Variants in DHX37 observed in about 807,000 individuals in gnomAD.
The protein encoded by DHX37 is DEAH-box helicase 37.
Under a neutral mutation model 134.3 loss-of-function variants are expected in DHX37, and 52 were observed. The observed-to-expected ratio is 0.39, with a 90% CI of 0.31 to 0.49. DHX37 has a LOEUF of 0.49. DHX37 is among the 20% of genes least tolerant of loss of function. DHX37 has a pLI of 0.93. For synonymous variants in DHX37, 634 were observed against 670.7 expected (o/e 0.95, Z 0.85); for missense variants, 1,344 against 1,580.8 (o/e 0.85, Z 2.54).
At chr12:124,952,261 C>T in intron 21 of DHX37, 137 bp downstream of exon 21, 1 of 868,666 alleles carries the variant, frequency 1.2e-6, no homozygotes, top group South Asian at 2.2e-5. Flanking sequence ...TGTGATTCTA[C>T]TGCAAGCCCC....
intron 15 of DHX37, among the ~76,000 whole-genome samples, chr12:124,961,305 C>A (rs552489069): frequency 1.4e-5 from 2 of 146,064 alleles, no homozygotes; most frequent in African/African-American, 5.4e-5. Flanking sequence ...CGTGCACGCA[C>A]GCACACACAC....
Position 124,980,087 on chromosome 12 carries a change from C to T in DHX37, c.738+403G>A, listed in dbSNP as rs1352240910. Among the ~76,000 whole-genome samples, 2 of 152,224 alleles carry T rather than the reference C, an allele frequency of 1.3e-5. No homozygotes were observed. The highest frequency in any genetic ancestry group is 2.4e-5 in the African/African-American group (1 of 41,462). ...AGAGAGGGGGAGCCCCTTCAGTAGC[C>T]GGAATATTCCCATTTTACAGATGCG... On this transcript the variant is annotated intron_variant, in intron 4 of 26. Transcript: ENST00000308736. The surrounding 1 kb of genome is among the most constrained non-coding windows in gnomAD (Gnocchi z 5.3).
chr12:124,974,174 T>C (rs1954581442), intron 6 of DHX37, among the ~76,000 whole-genome samples: 1 of 142,670 alleles, frequency 7.0e-6, no homozygotes, highest in Non-Finnish European at 1.5e-5. Flanking sequence ...CAGGATGGTC[T>C]CGATCTCCTG....
Position 124,980,758 on chromosome 12 carries a change from G to A in DHX37, c.470C>T (p.Pro157Leu). 6.4e-7 allele frequency: 1 copy of A among 1,557,028 alleles called. No homozygotes were observed. The highest frequency in any genetic ancestry group is 8.7e-7 in the Non-Finnish European group (1 of 1,152,990). Reference sequence around the variant, plus strand: ...CTCCTCCTCCTCCTCCTCAGCTGAGGGCCAGCGGCGACGCTTCCGGTGGGC... The same window carrying A: ...CTCCTCCTCCTCCTCCTCAGCTGAGAGCCAGCGGCGACGCTTCCGGTGGGC... ...SGAHRKRRRW[P>L]SAEEEEEEEE... Residue 157 changes from proline to leucine, a missense_variant, in exon 4 of 27, where the codon CCC becomes CTC. Coordinates refer to ENST00000308736, the MANE Select transcript of DHX37 (RefSeq NM_032656.4). This position sits in a 1 kb window ranked among gnomAD's most constrained non-coding sequence, Gnocchi z 5.3.
Position 124,968,707 on chromosome 12 carries a change from T to G in DHX37, c.1294-59A>C. On this transcript the variant is annotated intron_variant, in intron 9 of 26. Coordinates refer to ENST00000308736, the MANE Select transcript of DHX37 (RefSeq NM_032656.4). ...GGGGACACGAGCTTCGGCCCAGGGCTGCCTTCCCTTTCCCCATTATTCCGA... is the reference window on the plus strand; with the variant it reads ...GGGGACACGAGCTTCGGCCCAGGGCGGCCTTCCCTTTCCCCATTATTCCGA... 2.5e-6 allele frequency: 4 copies of G among 1,611,990 alleles called. No individual in the cohort carries two copies. In the South Asian group the frequency reaches 4.4e-5, roughly 18 times the overall value.
Position 124,949,911 on chromosome 12 carries a change from C to T in DHX37, c.3290+75G>A. The T allele has an allele frequency of 6.8e-7, 1 of 1,470,988 alleles. No individual in the cohort carries two copies. The highest frequency in any genetic ancestry group is 9.3e-7 in the Non-Finnish European group (1 of 1,080,006). 91.1% of individuals were successfully genotyped at this position (1,470,988 alleles called of 1,614,324 possible). Reference sequence around the variant, plus strand: ...AGCCTCCCTGTGTGTGGTGCTTTGTCCTGGCAGCCCCGGGGAGGTCATTCA... The same window carrying T: ...AGCCTCCCTGTGTGTGGTGCTTTGTTCTGGCAGCCCCGGGGAGGTCATTCA... On this transcript the variant is annotated intron_variant, in intron 25 of 26. Transcript: ENST00000308736. This position sits in a 1 kb window ranked among gnomAD's most constrained non-coding sequence, Gnocchi z 4.0.
chr12:124,988,135 A>T (rs1334664449), intron 1 of DHX37, among the ~76,000 whole-genome samples: 1 of 151,864 alleles, frequency 6.6e-6, no homozygotes, highest in Non-Finnish European at 1.5e-5. Flanking sequence ...CTGGGACTAC[A>T]GGTGCCCACC....
At chr12:124,975,579 G>A in intron 5 of DHX37, 68 bp from the exon 6 acceptor site, 1 of 1,534,422 alleles carries the variant, frequency 6.5e-7, no homozygotes, top group Non-Finnish European at 8.9e-7. Flanking sequence ...GCCTCATGCA[G>A]TTCCACAGCA....
chr12:124,969,956 T>C (rs1954480656), intron 8 of DHX37, among the ~76,000 whole-genome samples: 2 of 151,716 alleles, frequency 1.3e-5, no homozygotes, highest in Admixed American at 6.6e-5. Context: ...CAAAAAACCA[T>C]AAAAGGCACA....
Position 124,989,072 on chromosome 12 carries a change from C to T in DHX37, c.-50G>A, listed in dbSNP as rs774743076. The T allele has an allele frequency of 8.8e-6, 11 of 1,248,508 alleles. No individual in the cohort carries two copies. The Admixed American group carries it at 2.4e-4, about 27-fold the overall frequency. The allele number at this position is 1,248,508 out of a possible 1,614,324, so 77.3% of individuals were successfully genotyped here. On this transcript the variant is annotated 5_prime_UTR_variant, in exon 1 of 27. Coordinates refer to ENST00000308736, the MANE Select transcript of DHX37 (RefSeq NM_032656.4). ...CCAGCGGCCGGACCAGCAGAGCAATCCGAAACCCAGCCCACGTGGGTTCCC... is the reference window on the plus strand; with the variant it reads ...CCAGCGGCCGGACCAGCAGAGCAATTCGAAACCCAGCCCACGTGGGTTCCC...
chr12:124,963,955 C>T (rs564876165), intron 15 of DHX37, among the ~76,000 whole-genome samples: 4 of 149,890 alleles, frequency 2.7e-5, no homozygotes, highest in African/African-American at 9.8e-5. Context: ...CTCAGGAGTT[C>T]GAGACCAGTC....
Position 124,954,136 on chromosome 12 carries a change from C to A in DHX37, c.2529G>T (p.Trp843Cys). The change falls in exon 19 of 27, where the codon TGG becomes TGT. Residue 843 changes from tryptophan to cysteine, a missense_variant. By Grantham distance (215) the Trp-to-Cys change is radical. Transcript: ENST00000308736. ...GCTTCAGAGAAGCCCCCTGCCCTGC[C>A]CAGGTCCTCTTCATCTGGGCCACCC... ...RARVAQMKRT[W>C]AGQGASLKLG... 6.2e-7 allele frequency: 1 copy of A among 1,612,810 alleles called. No homozygotes were observed. Among genetic ancestry groups the A allele is most frequent in the Non-Finnish European group, 8.5e-7 (1 of 1,179,470 alleles).
chr12:124,949,592 C>T lies in DHX37; in HGVS notation c.3290+394G>A, dbSNP rs115652158. ...TATTCATGTCCACCCAGAACATCAG[C>T]GTGTGACCTTATATGGAAAGAGGGT... On this transcript the variant is annotated intron_variant, in intron 25 of 26. Transcript: ENST00000308736. The surrounding 1 kb of genome is among the most constrained non-coding windows in gnomAD (Gnocchi z 4.0). Among the ~76,000 whole-genome samples the T allele has an allele frequency of 8.9e-3, 1,353 of 152,234 alleles. 16 individuals carry two copies. Among genetic ancestry groups the T allele is most frequent in the African/African-American group, 0.031 (1,291 of 41,544 alleles).
Position 124,977,345 on chromosome 12 carries a change from C to A in DHX37, c.884G>T (p.Ser295Ile). 1.3e-6 allele frequency: 2 copies of A among 1,557,416 alleles called. No individual in the cohort carries two copies. The highest frequency in any genetic ancestry group is 1.2e-5 in the South Asian group (1 of 81,656). ...GAACCCTGTGTCCAGCCCCTACCTG[C>A]TGAAGCCTGCTTCATAGAGAAACTG... ...VPQFLYEAGF[S>I]SEDSIIGVTE... The change falls in exon 5 of 27, where the codon AGC becomes ATC. Residue 295 changes from serine to isoleucine, a missense_variant. By Grantham distance (142) the Ser-to-Ile change is moderately radical (BLOSUM62 -2). Transcript: ENST00000308736.
chr12:124,972,099 G>A (rs936350601), intron 7 of DHX37, among the ~76,000 whole-genome samples: 7 of 152,152 alleles, frequency 4.6e-5, no homozygotes, highest in Admixed American at 3.3e-4. Flanking sequence ...AACTGGACTC[G>A]AAGCTCCCAA....
At chr12:124,954,878 A>C (rs1954060717) in intron 18 of DHX37, among the ~76,000 whole-genome samples, 1 of 152,186 alleles carries the variant, frequency 6.6e-6, no homozygotes, top group Admixed American at 6.5e-5. Flanking sequence ...TTCTACCAAC[A>C]ATCCAATTAT....
At chr12:124,985,303 A>G (rs1954844325) in intron 2 of DHX37, among the ~76,000 whole-genome samples, 1 of 152,150 alleles carries the variant, frequency 6.6e-6, no homozygotes, top group African/African-American at 2.4e-5. Context: ...ATAATCCAAG[A>G]TTGACCAGGG....
rs370675036 is a variant in DHX37, at chr12:124,960,309, G to C, written c.2157+3C>G. 6.2e-7 allele frequency: 1 copy of C among 1,611,054 alleles called. No homozygotes were observed. The highest frequency in any genetic ancestry group is 8.5e-7 in the Non-Finnish European group (1 of 1,177,862). ...GAGAGCGGGGCTGGGGGCAGCAACT[G>C]ACCTTTTCAACGTTGAGCGCCTTCA... On this transcript the variant is annotated splice_donor_region_variant and intron_variant, in intron 16 of 26. Coordinates refer to ENST00000308736, the MANE Select transcript of DHX37 (RefSeq NM_032656.4).
In DHX37 at chr12:124,964,478, G is replaced by T. The variant is rs759207005; in HGVS notation, c.1961C>A (p.Ser654Tyr). ...RYYDRVTGVS[S>Y]FRVTWVSQAS... ...CTGGGAGACCCAGGTGACACGGAAG[G>T]AGGATACGCCAGTGACGCGGTCGTA... The change falls in exon 15 of 27, where the codon TCC becomes TAC. Residue 654 changes from serine (S) to tyrosine (Y), a missense_variant. Transcript: ENST00000308736. The T allele has an allele frequency of 6.2e-7, 1 of 1,614,218 alleles. No homozygotes were observed. Among genetic ancestry groups the T allele is most frequent in the South Asian group, 1.1e-5 (1 of 91,090 alleles).
Sources: gnomAD v4.1 joint callset for allele counts (sites outside exome capture counted in the v4.1 genomes callset) on GRCh38, gnomAD v4.1.1 for gene constraint, Gnocchi (gnomAD v3.1) non-coding constraint, MANE v1.5 for transcripts, NCBI Gene and HGNC (gene_info 2026-07-23, HGNC 2026-07-21) for gene names.